The following RAPGEF4 variants were observed in gnomAD, a reference collection of about 807,000 sequenced individuals.
RAPGEF4 encodes RAP guanine-nucleotide-exchange factor (GEF) 4.
RAPGEF4 carries 66 observed loss-of-function variants against 147.9 expected under a neutral mutation model. That is an observed-to-expected ratio of 0.45 (90% CI 0.37 to 0.55). The LOEUF is 0.55. RAPGEF4 is among the 20% of genes least tolerant of loss of function. RAPGEF4 has a pLI of 0.00. For synonymous variants in RAPGEF4, 419 were observed against 442.7 expected (o/e 0.95, Z 0.67); for missense variants, 1,071 against 1,257.3 (o/e 0.85, Z 2.24).
intron 23 of RAPGEF4, among the ~76,000 whole-genome samples, chr2:173,023,372 C>T (rs1351595575): frequency 2.0e-5 from 3 of 152,140 alleles, no homozygotes; most frequent in Non-Finnish European, 4.4e-5. Flanking sequence ...TCTGTCTGTG[C>T]GATGCAGGCT....
chr2:172,972,395 G>A (rs1690589064), intron 10 of RAPGEF4, among the ~76,000 whole-genome samples: 1 of 152,136 alleles, frequency 6.6e-6, no homozygotes, highest in African/African-American at 2.4e-5. Context: ...ATTTCTGCTG[G>A]GATGTGTCAA....
rs1229249818 is a variant in RAPGEF4 at position 172,849,539 on chromosome 2, G to A, written c.444+35114G>A. On this transcript the variant is annotated intron_variant, in intron 4 of 30. Transcript: ENST00000397081. ...TTTTATGTTTGCACTACAATTTGGG[G>A]CAGTATGAGAAAGTCAGGAAGATTG... Among the ~76,000 whole-genome samples the A allele has an allele frequency of 2.6e-5, 4 of 152,236 alleles. No individual in the cohort carries two copies. In the South Asian group the frequency reaches 6.2e-4, roughly 24 times the overall value.
chr2:172,819,842 G>A (rs1688903093), intron 4 of RAPGEF4, among the ~76,000 whole-genome samples: 2 of 152,108 alleles, frequency 1.3e-5, no homozygotes. Context: ...CCTCAGTAAG[G>A]AAGTTAAATG....
intron 4 of RAPGEF4, among the ~76,000 whole-genome samples, chr2:172,886,630 G>C (rs189384054): frequency 1.3e-5 from 2 of 151,792 alleles, no homozygotes. Context: ...GACCTGGAGT[G>C]TGTGGTACCC....
chr2:172,873,200 G>C (rs1168241004), intron 4 of RAPGEF4, among the ~76,000 whole-genome samples: 1 of 152,154 alleles, frequency 6.6e-6, no homozygotes, highest in African/African-American at 2.4e-5. Context: ...TGATATTCAA[G>C]ACTAGGCATT....
rs1243467579 is a variant in RAPGEF4 at position 173,042,841 on chromosome 2, C to T, written c.2854-5759C>T. ...ACACGTGCCTGGAAAGGCACCTGAACTGTCTTCTCCCATGGTCATCATATA... is the reference window on the plus strand; with the variant it reads ...ACACGTGCCTGGAAAGGCACCTGAATTGTCTTCTCCCATGGTCATCATATA... On this transcript the variant is annotated intron_variant, in intron 29 of 30. Coordinates refer to ENST00000397081, the MANE Select transcript of RAPGEF4 (RefSeq NM_007023.4). The surrounding 1 kb of genome is among the most constrained non-coding windows in gnomAD (Gnocchi z 4.2). Among the ~76,000 whole-genome samples the T allele has an allele frequency of 6.6e-6, 1 of 152,202 alleles. No homozygotes were observed. Among genetic ancestry groups the T allele is most frequent in the African/African-American group, 2.4e-5 (1 of 41,446 alleles).
Position 173,020,723 on chromosome 2 carries a change from T to C in RAPGEF4, c.2253+8T>C. On this transcript the variant is annotated splice_region_variant and intron_variant, in intron 23 of 30. Coordinates refer to ENST00000397081, the MANE Select transcript of RAPGEF4 (RefSeq NM_007023.4). ...GAGCAATTCGATTCACTGGTAGGTG[T>C]GGATGGCCTGCTCAGAGCAGCATTG... is the stretch of plus-strand genomic sequence containing the variant. 9 of 1,607,996 alleles carry C rather than the reference T, an allele frequency of 5.6e-6. No individual in the cohort carries two copies. The highest frequency in any genetic ancestry group is 7.7e-6 in the Non-Finnish European group (9 of 1,174,844).
chr2:172,820,358 AAC>A (rs1688949278), intron 4 of RAPGEF4, among the ~76,000 whole-genome samples: 1 of 152,246 alleles, frequency 6.6e-6, no homozygotes, highest in Non-Finnish European at 1.5e-5. Flanking sequence ...TCAAAATAAT[AAC>A]ACATATTTAT....
At chr2:172,917,715 C>G in intron 4 of RAPGEF4, 87 bp from the exon 5 acceptor site, 1 of 1,167,756 alleles carries the variant, frequency 8.6e-7, no homozygotes, top group Non-Finnish European at 1.3e-6. Context: ...TCCTGACACC[C>G]AGCATTTCTG....
chr2:172,841,852 C>CACTT (rs3064820), intron 4 of RAPGEF4, among the ~76,000 whole-genome samples: 1 of 151,456 alleles, frequency 6.6e-6, no homozygotes, highest in East Asian at 1.9e-4. Context: ...CACACACACA[C>CACTT]GAACATAAAT....
At chr2:172,903,474 G>A (rs1297762503) in intron 4 of RAPGEF4, among the ~76,000 whole-genome samples, 1 of 151,408 alleles carries the variant, frequency 6.6e-6, no homozygotes, top group African/African-American at 2.4e-5. Context: ...GGAGGAGGAG[G>A]TTGCAGTGAG....
intron 4 of RAPGEF4, among the ~76,000 whole-genome samples, chr2:172,875,753 A>G (rs1185320117): frequency 6.6e-6 from 1 of 151,948 alleles, no homozygotes; most frequent in African/African-American, 2.4e-5. Context: ...TTTGATATGA[A>G]CTTTAGTTTT....
At chr2:172,917,323 G>A (rs1684173378) in intron 4 of RAPGEF4, 1 of 398,936 alleles carries the variant, frequency 2.5e-6, no homozygotes, top group Admixed American at 2.9e-5. Context: ...GTAAATGGAA[G>A]CGAATCAGCT....
At chr2:172,796,405 G>T (rs1686368349) in intron 2 of RAPGEF4, among the ~76,000 whole-genome samples, 1 of 152,120 alleles carries the variant, frequency 6.6e-6, no homozygotes, top group African/African-American at 2.4e-5. Context: ...TTAACATGGT[G>T]AAACCCTGTC....
chr2:172,771,963 A>T (rs1421366880), intron 1 of RAPGEF4, among the ~76,000 whole-genome samples: 1 of 152,212 alleles, frequency 6.6e-6, no homozygotes, highest in Non-Finnish European at 1.5e-5. Flanking sequence ...TTGGCTGGGC[A>T]TGGTGGCAAC....
At position 173,051,929 on chromosome 2, in the gene RAPGEF4, G is replaced by C. The variant is rs1686288228; in HGVS notation, c.*162G>C. ...CTGCATTCAGCTTACCAGCTACCTA[G>C]CAAGAGAAGGAATTATTTGACATGC... On this transcript the variant is annotated 3_prime_UTR_variant, in exon 31 of 31. Coordinates refer to ENST00000397081, the MANE Select transcript of RAPGEF4 (RefSeq NM_007023.4). The C allele has an allele frequency of 1.4e-6, 1 of 701,134 alleles. No individual in the cohort carries two copies. The highest frequency in any genetic ancestry group is 3.0e-5 in the Admixed American group (1 of 33,576). 43.4% of individuals were successfully genotyped at this position (701,134 alleles called of 1,614,324 possible).
chr2:173,001,740 G>A (rs1693940382), intron 17 of RAPGEF4, among the ~76,000 whole-genome samples: 1 of 152,012 alleles, frequency 6.6e-6, no homozygotes, highest in Non-Finnish European at 1.5e-5. Flanking sequence ...TGAAGGTGAA[G>A]GGGGAGCAGG....
chr2:172,737,395 G>C (rs1002898586), intron 1 of RAPGEF4, among the ~76,000 whole-genome samples: 6 of 152,024 alleles, frequency 3.9e-5, no homozygotes, highest in Non-Finnish European at 8.8e-5. Context: ...GAATTATATG[G>C]GATTCAGGAT....
chr2:172,933,738 T>A (rs999714083), intron 6 of RAPGEF4, among the ~76,000 whole-genome samples: 1 of 152,234 alleles, frequency 6.6e-6, no homozygotes, highest in Non-Finnish European at 1.5e-5. Flanking sequence ...AAGTTAACTC[T>A]GTATATGCTT....
Sources: allele counts gnomAD v4.1 joint callset (sites outside exome capture counted in the v4.1 genomes callset), GRCh38; gene constraint gnomAD v4.1.1; non-coding constraint Gnocchi (gnomAD v3.1); transcripts MANE v1.5; gene names NCBI Gene and HGNC (gene_info 2026-07-23, HGNC 2026-07-21).